Variants in ZFP36L1 observed in about 807,000 individuals in gnomAD.
ZFP36L1 encodes the protein ZFP36 like 1 zinc finger CCCH-type, also known as mRNA decay activator protein ZFP36L1.
Under a neutral mutation model 16.7 loss-of-function variants are expected in ZFP36L1, and 4 were observed. The ratio of observed to expected loss-of-function variants is 0.24; its 90% CI spans 0.12 to 0.55. ZFP36L1 has a LOEUF of 0.55. Among genes scored for constraint, ZFP36L1 ranks in the 20% least tolerant of loss-of-function variants. ZFP36L1 has a pLI of 0.94. For missense variants in ZFP36L1, 311 were observed against 449.2 expected, an observed-to-expected ratio of 0.69 and a Z score of 2.78; for synonymous variants, 220 against 190.8, an observed-to-expected ratio of 1.15 and a Z score of -1.26.
intron 1 of ZFP36L1, chr14:68,791,196 A>C: frequency 1.7e-6 from 1 of 579,504 alleles, no homozygotes; most frequent in South Asian, 2.0e-5. Flanking sequence ...ATTTCCACTC[A>C]GCCCTAGCCC....
At chr14:68,792,555 C>T (rs1895118464) in intron 1 of ZFP36L1, among the ~76,000 whole-genome samples, 3 of 152,236 alleles carry the variant, frequency 2.0e-5, no homozygotes, top group East Asian at 1.9e-4. Flanking sequence ...GATCCAGCAG[C>T]ACGTTACGTA....
In ZFP36L1 at chr14:68,792,935, T is replaced by C; in HGVS notation, c.4A>G (p.Thr2Ala). Residue 2 changes from threonine (T) to alanine (A), a missense_variant, in exon 1 of 2, where the codon ACC becomes GCC. By Grantham distance (58) the Thr-to-Ala change is moderately conservative. Transcript: ENST00000439696. ...ATGGTGGCAGACACGAGGGTGGTGG[T>C]CATCCTGTGCGTTCGCGCGAGCCAG... Reference protein sequence around the residue: MTTTLVSATIFD... With the variant: MATTLVSATIFD... The C allele has an allele frequency of 6.2e-7, 1 of 1,613,880 alleles. No individual in the cohort carries two copies. The highest frequency in any genetic ancestry group is 1.1e-5 in the South Asian group (1 of 91,072).
chr14:68,796,110 G>C (rs1221796362), upstream of ZFP36L1: 3 of 1,363,512 alleles, frequency 2.2e-6, no homozygotes, highest in Non-Finnish European at 2.9e-6. Flanking sequence ...GCGGTGGGCC[G>C]GCTCCTCTGT....
At chr14:68,791,529 A>C in intron 1 of ZFP36L1, among the ~76,000 whole-genome samples, 1 of 151,716 alleles carries the variant, frequency 6.6e-6, no homozygotes, top group East Asian at 1.9e-4. Flanking sequence ...GCAAATTCTA[A>C]TGTTGGTCCC....
intron 1 of ZFP36L1, among the ~76,000 whole-genome samples, chr14:68,792,639 C>A (rs529386971): frequency 6.6e-6 from 1 of 152,252 alleles, no homozygotes; most frequent in African/African-American, 2.4e-5. Flanking sequence ...GCCAGGCAAA[C>A]TTCGCCCCTC....
upstream of ZFP36L1, chr14:68,795,704 G>A: frequency 2.0e-6 from 1 of 495,332 alleles, no homozygotes; most frequent in Non-Finnish European, 4.2e-6. Context: ...CTCCCGAGTT[G>A]TTTACCGGCC....
chr14:68,793,021 T>A lies in ZFP36L1; in HGVS notation c.-83A>T, dbSNP rs111758074. 4.7e-5 allele frequency: 75 copies of A among 1,605,592 alleles called. No individual in the cohort carries two copies. The East Asian group carries it at 8.9e-4, about 19-fold the overall frequency. On this transcript the variant is annotated 5_prime_UTR_variant, in exon 1 of 2. Coordinates refer to ENST00000439696, the MANE Select transcript of ZFP36L1 (RefSeq NM_004926.4). Reference sequence around the variant, plus strand: ...CGGGGAAGGCGCAGCCTCTCCTGTCTGGAGTCCCACACGCCAGTTCCCGGC... The same window carrying A: ...CGGGGAAGGCGCAGCCTCTCCTGTCAGGAGTCCCACACGCCAGTTCCCGGC...
intron 1 of ZFP36L1, among the ~76,000 whole-genome samples, chr14:68,792,318 T>C (rs901533952): frequency 1.3e-5 from 2 of 152,202 alleles, no homozygotes; most frequent in African/African-American, 4.8e-5. Context: ...CCAACGGAGC[T>C]AGGGCGGACT....
intron 1 of ZFP36L1, chr14:68,790,843 G>A: frequency 1.7e-6 from 1 of 593,210 alleles, no homozygotes; most frequent in Non-Finnish European, 3.0e-6. Flanking sequence ...ACACAACCCA[G>A]ACCTCTCTAG....
upstream of ZFP36L1, chr14:68,793,515 T>A (rs1253124205): frequency 1.0e-6 from 1 of 985,968 alleles, no homozygotes; most frequent in Non-Finnish European, 1.2e-6. Flanking sequence ...TGTTGTTTTT[T>A]GTTGGGCAGG....
At chr14:68,792,735 C>A in intron 1 of ZFP36L1, 147 bp downstream of exon 1, 1 of 1,228,080 alleles carries the variant, frequency 8.1e-7, no homozygotes, top group Non-Finnish European at 1.2e-6. Flanking sequence ...CAAATTCCTT[C>A]AAACTTGGGA....
In ZFP36L1 at chr14:68,787,737, AAATT is replaced by A. The variant is rs1894951026; in HGVS notation, c.*1792_*1795del. The A allele has an allele frequency of 6.5e-6, 1 of 152,770 alleles. No individual in the cohort carries two copies. The highest frequency in any genetic ancestry group is 1.5e-5 in the Non-Finnish European group (1 of 68,040). 9.5% of individuals were successfully genotyped at this position (152,770 alleles called of 1,614,324 possible). On this transcript the variant is annotated 3_prime_UTR_variant, in exon 2 of 2. Transcript: ENST00000439696. ...CAAAAAGTTTTTTTTTCTTTTAAATAAATTCACACAAAGAAAGAGAAATAGAAAG... is the reference window on the plus strand; with the variant it reads ...CAAAAAGTTTTTTTTTCTTTTAAATACACACAAAGAAAGAGAAATAGAAAG...
In ZFP36L1 at chr14:68,793,003, G is replaced by C. The variant is rs1436643881; in HGVS notation, c.-65C>G. ...GTCGCGAAGGTCCCGGTGCGGGGAA[G>C]GCGCAGCCTCTCCTGTCTGGAGTCC... On this transcript the variant is annotated 5_prime_UTR_variant, in exon 1 of 2. Transcript: ENST00000439696. 1 of 1,609,584 alleles carries C rather than the reference G, an allele frequency of 6.2e-7. No homozygotes were observed. The highest frequency in any genetic ancestry group is 1.3e-5 in the African/African-American group (1 of 74,902).
upstream of ZFP36L1, chr14:68,793,152 G>A: frequency 8.2e-7 from 1 of 1,214,186 alleles, no homozygotes. Context: ...TTTAAATGAG[G>A]AAGAGGAGGA....
chr14:68,792,293 A>G (rs1205242585), intron 1 of ZFP36L1, among the ~76,000 whole-genome samples: 1 of 151,816 alleles, frequency 6.6e-6, no homozygotes, highest in East Asian at 1.9e-4. Flanking sequence ...ACGATCGGCT[A>G]TCGCGGGAAG....
Position 68,789,740 on chromosome 14 carries a change from C to T in ZFP36L1, c.810G>A (p.Gly270=), listed in dbSNP as rs1360925974. Residue 270 remains glycine (G), a synonymous_variant, in exon 2 of 2, where the codon GGG becomes GGA. Transcript: ENST00000439696. This position sits in a 1 kb window ranked among gnomAD's most constrained non-coding sequence, Gnocchi z 4.5. The stretch of plus-strand genomic sequence containing the variant: ...AGAGGAAGGTGGTCGGGGAGCCACC[C>T]CCGGGCAGCCCCATGCTAGGGGCAA... The part of the protein sequence containing the change: ...SLFAPSMGLP[G]GGSPTTFLFR... 1.9e-6 allele frequency: 3 copies of T among 1,614,076 alleles called. No individual in the cohort carries two copies. The highest frequency in any genetic ancestry group is 2.2e-5 in the East Asian group (1 of 44,878).
chr14:68,793,606 C>T (rs1266441572), upstream of ZFP36L1: 1 of 985,890 alleles, frequency 1.0e-6, no homozygotes, highest in Non-Finnish European at 1.2e-6. Context: ...CCATCTTGAG[C>T]TGGCGGTCTC....
chr14:68,787,683 A>G lies in ZFP36L1; in HGVS notation c.*1850T>C, dbSNP rs1223554209. 6.6e-6 allele frequency: 1 copy of G among 152,370 alleles called. No homozygotes were observed. The highest frequency in any genetic ancestry group is 2.4e-5 in the African/African-American group (1 of 41,382). The allele number at this position is 152,370 out of a possible 1,614,324, so 9.4% of individuals were successfully genotyped here. A position where few individuals can be genotyped will look rare whatever the true frequency, so the allele number is the denominator to read the frequency against. On this transcript the variant is annotated 3_prime_UTR_variant, in exon 2 of 2. Coordinates refer to ENST00000439696, the MANE Select transcript of ZFP36L1 (RefSeq NM_004926.4). ...AATGTTTCTTGAAAAAACGGGGTTT[A>G]TTGATTTTTAAACTGCAAATAGTCG...
intron 1 of ZFP36L1, among the ~76,000 whole-genome samples, 168 bp from the exon 2 acceptor site, chr14:68,790,660 T>C (rs529090109): frequency 6.6e-6 from 1 of 152,254 alleles, no homozygotes; most frequent in Admixed American, 6.5e-5. Context: ...GCCATTCACC[T>C]GGGTTTATTT....
Sources: allele counts gnomAD v4.1 joint callset (sites outside exome capture counted in the v4.1 genomes callset), GRCh38; gene constraint gnomAD v4.1.1; non-coding constraint Gnocchi (gnomAD v3.1); transcripts MANE v1.5; gene names NCBI Gene and HGNC (gene_info 2026-07-23, HGNC 2026-07-21).